The following SEPTIN10 variants were observed in gnomAD, a reference collection of about 807,000 sequenced individuals.
SEPTIN10 encodes the protein septin 10, also known as septin-10.
In SEPTIN10, 66 loss-of-function variants were observed where a neutral mutation model predicts 54.8. That is an observed-to-expected ratio of 1.21 (90% CI 0.99 to 1.48). The LOEUF is 1.48. Ranked by LOEUF, SEPTIN10 falls within the 40% of genes most tolerant of loss-of-function variation. The pLI, the probability that SEPTIN10 is intolerant of heterozygous loss-of-function variation, is 0.00. For synonymous variants in SEPTIN10, 161 were observed against 181.0 expected (o/e 0.89, Z 0.89); for missense variants, 620 against 545.6 (o/e 1.14, Z -1.36).
chr2:109,612,400 G>A (rs1699445448), intron 1 of SEPTIN10, among the ~76,000 whole-genome samples: 1 of 152,214 alleles, frequency 6.6e-6, no homozygotes, highest in Admixed American at 6.5e-5. Flanking sequence ...ATCAATCAAT[G>A]ACAATATGCT....
chr2:109,577,549 G>A (rs899138534), intron 4 of SEPTIN10, among the ~76,000 whole-genome samples: 8 of 147,502 alleles, frequency 5.4e-5, no homozygotes, highest in Non-Finnish European at 9.0e-5. Context: ...CCGAGATCGC[G>A]CCATTGCATT....
intron 1 of SEPTIN10, chr2:109,613,111 C>G: frequency 6.1e-6 from 7 of 1,148,214 alleles, no homozygotes; most frequent in Non-Finnish European, 8.1e-6. Flanking sequence ...TCACTCCATA[C>G]CATGTAGCCT....
At chr2:109,551,129 G>C (rs1019926239) in intron 9 of SEPTIN10, among the ~76,000 whole-genome samples, 8 of 152,228 alleles carry the variant, frequency 5.3e-5, no homozygotes, top group African/African-American at 1.9e-4. Context: ...GAACGTCAAC[G>C]ATATTTGGAG....
chr2:109,585,924 A>G (rs1692427064), intron 2 of SEPTIN10, 86 bp from the exon 3 acceptor site: 6 of 893,504 alleles, frequency 6.7e-6, no homozygotes, highest in South Asian at 3.1e-5. Context: ...AAGGACAAAT[A>G]TATCAAATAA....
chr2:109,603,536 G>A (rs1207957965), intron 1 of SEPTIN10, among the ~76,000 whole-genome samples: 3 of 150,106 alleles, frequency 2.0e-5, no homozygotes, highest in Non-Finnish European at 4.4e-5. Flanking sequence ...ACCGCGCCCG[G>A]CCTCATAATA....
At chr2:109,572,085 TA>T (rs2105369757) in intron 5 of SEPTIN10, among the ~76,000 whole-genome samples, 1 of 152,338 alleles carries the variant, frequency 6.6e-6, no homozygotes, top group South Asian at 2.1e-4. Context: ...TCATCTCAGC[TA>T]ATCTTCCCAA....
Position 109,544,073 on chromosome 2 carries a change from A to G in SEPTIN10, c.*236T>C. The stretch of plus-strand genomic sequence containing the variant: ...AGTGCTCAAAAAGATTCAGATTTTG[A>G]AGCTTCTGGATTTCAGATTTTTGAA... On this transcript the variant is annotated 3_prime_UTR_variant, in exon 11 of 11. Transcript: ENST00000397712. 3 of 1,326,218 alleles carry G rather than the reference A, an allele frequency of 2.3e-6. No homozygotes were observed. Among genetic ancestry groups the G allele is most frequent in the Non-Finnish European group, 3.1e-6 (3 of 972,704 alleles). 82.2% of individuals were successfully genotyped at this position (1,326,218 alleles called of 1,614,324 possible).
At chr2:109,583,851 C>G (rs1691808379) in intron 4 of SEPTIN10, among the ~76,000 whole-genome samples, 1 of 152,160 alleles carries the variant, frequency 6.6e-6, no homozygotes, top group Non-Finnish European at 1.5e-5. Flanking sequence ...ATGGATGAAG[C>G]TGGAGGCCGT....
chr2:109,576,930 G>A (rs1179664787), intron 4 of SEPTIN10, among the ~76,000 whole-genome samples: 2 of 152,174 alleles, frequency 1.3e-5, no homozygotes, highest in Non-Finnish European at 2.9e-5. Context: ...CAGAAGAAAT[G>A]TCTGAGATTT....
intron 8 of SEPTIN10, 90 bp from the exon 9 acceptor site, chr2:109,553,309 C>A (rs1176344507): frequency 1.5e-6 from 2 of 1,365,284 alleles, no homozygotes; most frequent in Non-Finnish European, 2.0e-6. Context: ...CTTTGGGAGG[C>A]CGAGGCAGGT....
Position 109,544,901 on chromosome 2 carries a change from T to C in SEPTIN10, c.1350-577A>G, listed in dbSNP as rs188439556. ...TTGGAGAGCTTGCATTGAAAGATCA[T>C]ACATGAGAATTCCTTCCTCTTTTCC... On this transcript the variant is annotated intron_variant, in intron 10 of 10. Transcript: ENST00000397712. 20 of 935,766 alleles carry C rather than the reference T, an allele frequency of 2.1e-5. No individual in the cohort carries two copies. In the Admixed American group the frequency reaches 1.2e-3, roughly 55 times the overall value. 58.0% of individuals were successfully genotyped at this position (935,766 alleles called of 1,614,324 possible). A position where few individuals can be genotyped will look rare whatever the true frequency, so the allele number is the denominator to read the frequency against.
At chr2:109,551,001 T>C (rs1436255576) in intron 9 of SEPTIN10, among the ~76,000 whole-genome samples, 2 of 152,226 alleles carry the variant, frequency 1.3e-5, no homozygotes, top group Non-Finnish European at 2.9e-5. Context: ...ACCTGAGGGA[T>C]AAATATAAAC....
intron 5 of SEPTIN10, among the ~76,000 whole-genome samples, chr2:109,568,699 T>A (rs1009164636): frequency 3.9e-5 from 6 of 152,178 alleles, no homozygotes; most frequent in Non-Finnish European, 8.8e-5. Context: ...TTTTATTTTT[T>A]AATAATCTAA....
intron 5 of SEPTIN10, among the ~76,000 whole-genome samples, chr2:109,568,456 C>A (rs1687595239): frequency 6.6e-6 from 1 of 150,794 alleles, no homozygotes; most frequent in South Asian, 2.1e-4. Flanking sequence ...ACTGCAACCA[C>A]TGCCTTCTGG....
intron 2 of SEPTIN10, among the ~76,000 whole-genome samples, chr2:109,586,851 C>G (rs1279848728): frequency 1.3e-5 from 2 of 152,174 alleles, no homozygotes; most frequent in Admixed American, 6.5e-5. Context: ...CCTGCCTTAA[C>G]AAAGCCTGTA....
rs1317852625 is a variant in SEPTIN10 at position 109,613,808 on chromosome 2, G to A, written c.20C>T (p.Ala7Val). The part of the protein sequence containing the change: MASSEV[A>V]RHLLFQSHMA... ...GTCGGCGGGACTCACCAGGTGCCGC[G>A]CCACCTCGGAGGAGGCCATGGTCGC... Residue 7 changes from alanine to valine, a missense_variant, in exon 1 of 11, where the codon GCG (alanine) becomes GTG (valine). Coordinates refer to ENST00000397712, the MANE Select transcript of SEPTIN10 (RefSeq NM_144710.5). 1.6e-6 allele frequency: 2 copies of A among 1,232,960 alleles called. No individual in the cohort carries two copies. Among genetic ancestry groups the A allele is most frequent in the Admixed American group, 4.2e-5 (1 of 23,726 alleles). 76.4% of individuals were successfully genotyped at this position (1,232,960 alleles called of 1,614,324 possible).
Position 109,543,218 on chromosome 2 carries a change from T to C in SEPTIN10, c.*1091A>G, listed in dbSNP as rs1680393367. 6.6e-6 allele frequency: 1 copy of C among 152,632 alleles called. No homozygotes were observed. The highest frequency in any genetic ancestry group is 6.5e-5 in the Admixed American group (1 of 15,286). The allele number at this position is 152,632 out of a possible 1,614,324, so 9.5% of individuals were successfully genotyped here. On this transcript the variant is annotated 3_prime_UTR_variant, in exon 11 of 11. Coordinates refer to ENST00000397712, the MANE Select transcript of SEPTIN10 (RefSeq NM_144710.5). ...ATAGTTATTTTCTTAAAAAGTATTT[T>C]TAATAAAATGATTCAACCTTATTAT...
intron 8 of SEPTIN10, among the ~76,000 whole-genome samples, chr2:109,563,665 C>G (rs1686219841): frequency 6.6e-6 from 1 of 152,166 alleles, no homozygotes; most frequent in African/African-American, 2.4e-5. Flanking sequence ...GGTTCAGATT[C>G]TAAAATTCTT....
chr2:109,546,336 A>G, intron 9 of SEPTIN10, 99 bp from the exon 10 acceptor site: 1 of 671,114 alleles, frequency 1.5e-6, no homozygotes, highest in Non-Finnish European at 2.4e-6. Flanking sequence ...AGCGCAACAC[A>G]GAATAACCTA....
Sources: gnomAD v4.1 joint callset for allele counts (sites outside exome capture counted in the v4.1 genomes callset) on GRCh38, gnomAD v4.1.1 for gene constraint, MANE v1.5 for transcripts, NCBI Gene and HGNC (gene_info 2026-07-23, HGNC 2026-07-21) for gene names.